ANKRD30B: variants seen among roughly 807,000 people sequenced by gnomAD.
The protein encoded by ANKRD30B is ankyrin repeat domain-containing protein 30B.
In ANKRD30B, 144 loss-of-function variants were observed where a neutral mutation model predicts 202.2. The observed-to-expected ratio is 0.71, with a 90% CI of 0.62 to 0.82. The LOEUF (loss-of-function observed/expected upper bound fraction) is 0.82. Among genes scored for constraint, ANKRD30B ranks in the 40% least tolerant of loss-of-function variants. The pLI is 0.00. For missense variants in ANKRD30B, 1,487 were observed against 1,669.1 expected (o/e 0.89, Z 1.90); for synonymous variants, 508 against 561.3 (o/e 0.91, Z 1.34).
chr18:14,882,522 A>G, the ANKRD30B span, among the ~76,000 whole-genome samples: 9 of 152,204 alleles, frequency 5.9e-5, no homozygotes. Context: ...TTTATGGCCT[A>G]TCATATGGTC....
At chr18:14,924,955 C>T in the ANKRD30B span, among the ~76,000 whole-genome samples, 3 of 152,196 alleles carry the variant, frequency 2.0e-5, no homozygotes, top group African/African-American at 7.2e-5. Context: ...CTTGCTGTGC[C>T]TTGCTTTCTC....
intron 30 of ANKRD30B, among the ~76,000 whole-genome samples, chr18:14,822,245 T>C (rs1970457972): frequency 6.6e-6 from 1 of 152,116 alleles, no homozygotes; most frequent in Admixed American, 6.6e-5. Context: ...TGAAATATAT[T>C]TTGACTGTTG....
chr18:14,770,073 T>C (rs979335999), intron 8 of ANKRD30B, among the ~76,000 whole-genome samples: 6 of 152,184 alleles, frequency 3.9e-5, no homozygotes, highest in African/African-American at 1.4e-4. Flanking sequence ...TTCAAAGCAG[T>C]TCCCTGCCTA....
At chr18:14,855,942 A>G (rs1972094542), downstream of ANKRD30B, among the ~76,000 whole-genome samples, 1 of 149,688 alleles carries the variant, frequency 6.7e-6, no homozygotes, top group East Asian at 2.0e-4. Flanking sequence ...GCGGCCTGGC[A>G]GAGGCGCTCC....
the ANKRD30B span, among the ~76,000 whole-genome samples, chr18:14,910,704 C>T: frequency 6.6e-6 from 1 of 152,054 alleles, no homozygotes; most frequent in African/African-American, 2.4e-5. Context: ...AATCTCCATT[C>T]TCTTTTTCAT....
the ANKRD30B span, among the ~76,000 whole-genome samples, chr18:14,932,210 T>TG: frequency 6.6e-6 from 1 of 151,168 alleles, no homozygotes; most frequent in African/African-American, 2.4e-5. Flanking sequence ...GGAGGTGGGG[T>TG]GGGGGGCTCC....
the ANKRD30B span, among the ~76,000 whole-genome samples, chr18:14,878,863 T>A: frequency 6.6e-6 from 1 of 152,208 alleles, no homozygotes; most frequent in African/African-American, 2.4e-5. Context: ...TGTGCAGCAA[T>A]GCCCAGCAAT....
chr18:14,908,587 T>A, the ANKRD30B span, among the ~76,000 whole-genome samples: 3 of 152,184 alleles, frequency 2.0e-5, no homozygotes, highest in Non-Finnish European at 2.9e-5. Context: ...CTCACCATCA[T>A]CCATGTGTTC....
chr18:14,748,812 C>G (rs988087773), intron 1 of ANKRD30B, among the ~76,000 whole-genome samples, 172 bp downstream of exon 1: 1 of 152,100 alleles, frequency 6.6e-6, no homozygotes, highest in African/African-American at 2.4e-5. Context: ...CCCGGTCAGG[C>G]CCCCCAGGCC....
At chr18:14,825,152 C>T (rs541561556) in intron 32 of ANKRD30B, 14 of 152,326 alleles carry the variant, frequency 9.2e-5, no homozygotes, top group African/African-American at 2.9e-4. Flanking sequence ...ATGACTTACT[C>T]GCTGCCTGTG....
intron 5 of ANKRD30B, among the ~76,000 whole-genome samples, 166 bp downstream of exon 5, chr18:14,758,118 C>A (rs927234304): frequency 6.6e-6 from 1 of 152,124 alleles, no homozygotes; most frequent in African/African-American, 2.4e-5. Context: ...CTTTCAACAG[C>A]TTTATCCCTA....
At chr18:14,811,060 A>T (rs1483215873) in intron 28 of ANKRD30B, among the ~76,000 whole-genome samples, 1 of 151,328 alleles carries the variant, frequency 6.6e-6, no homozygotes, top group Non-Finnish European at 1.5e-5. Context: ...AGTTGCAGTG[A>T]GCCAAGCTTG....
At chr18:14,877,876 C>T in the ANKRD30B span, 2 of 152,228 alleles carry the variant, frequency 1.3e-5, no homozygotes, top group African/African-American at 4.8e-5. Context: ...CTTTGATTGC[C>T]TCAGGTTCCT....
the ANKRD30B span, among the ~76,000 whole-genome samples, chr18:14,899,731 C>G: frequency 6.6e-6 from 1 of 152,120 alleles, no homozygotes; most frequent in Non-Finnish European, 1.5e-5. Context: ...TAAAAGTTAA[C>G]TGTAAATTGT....
At chr18:14,820,883 G>A (rs1279215574) in intron 30 of ANKRD30B, among the ~76,000 whole-genome samples, 4 of 152,178 alleles carry the variant, frequency 2.6e-5, no homozygotes, top group Non-Finnish European at 5.9e-5. Context: ...CTCATAAAAT[G>A]AGTTAGGGAG....
At chr18:14,770,813 A>C (rs1966946990) in intron 8 of ANKRD30B, among the ~76,000 whole-genome samples, 1 of 148,436 alleles carries the variant, frequency 6.7e-6, no homozygotes, top group Non-Finnish European at 1.5e-5. Context: ...TTTCTATTGA[A>C]AGATAAAAAA....
the ANKRD30B span, among the ~76,000 whole-genome samples, chr18:14,908,935 C>T: frequency 6.6e-6 from 1 of 152,200 alleles, no homozygotes; most frequent in Non-Finnish European, 1.5e-5. Flanking sequence ...TCAGGACTCA[C>T]TGCCACTAGT....
At chr18:14,798,109 T>G (rs1284512719) in intron 20 of ANKRD30B, among the ~76,000 whole-genome samples, 1 of 152,188 alleles carries the variant, frequency 6.6e-6, no homozygotes, top group Non-Finnish European at 1.5e-5. Flanking sequence ...CTTGTCTTTG[T>G]TCCCAGGTGG....
chr18:14,763,605 A>G, intron 6 of ANKRD30B, 81 bp from the exon 7 acceptor site: 1 of 1,551,660 alleles, frequency 6.4e-7, no homozygotes, highest in Non-Finnish European at 8.7e-7. Context: ...AGCATACAGA[A>G]TAAGTAGAAG....
Sources: allele counts gnomAD v4.1 joint callset (sites outside exome capture counted in the v4.1 genomes callset), GRCh38; gene constraint gnomAD v4.1.1; transcripts MANE v1.5; gene names NCBI Gene and HGNC (gene_info 2026-07-23, HGNC 2026-07-21).